Variants in CNTNAP4 observed in about 807,000 individuals in gnomAD.
CNTNAP4 encodes the protein contactin associated protein family member 4.
A neutral mutation model predicts 148.4 loss-of-function variants in CNTNAP4; 98 were observed. That is an observed-to-expected ratio of 0.66 (90% CI 0.56 to 0.78). The LOEUF is 0.78. Among genes scored for constraint, CNTNAP4 ranks in the 30% least tolerant of loss-of-function variants. The pLI is 0.00. For synonymous variants in CNTNAP4, 730 were observed against 565.1 expected (o/e 1.29, Z -4.14); for missense variants, 1,935 against 1,565.6 (o/e 1.24, Z -3.98).
intron 15 of CNTNAP4, among the ~76,000 whole-genome samples, chr16:76,501,094 T>A (rs1022766902): frequency 2.0e-5 from 3 of 152,204 alleles, no homozygotes; most frequent in African/African-American, 7.2e-5. Context: ...ATATACATTG[T>A]AAATACTGTT....
intron 15 of CNTNAP4, among the ~76,000 whole-genome samples, chr16:76,519,203 C>G (rs893872333): frequency 6.6e-6 from 1 of 152,004 alleles, no homozygotes; most frequent in Non-Finnish European, 1.5e-5. Flanking sequence ...CTTTTGTGAA[C>G]GTATAAAATA....
At chr16:76,555,767 CACTT>C (rs971743432) in intron 23 of CNTNAP4, among the ~76,000 whole-genome samples, 4 of 152,194 alleles carry the variant, frequency 2.6e-5, no homozygotes, top group African/African-American at 9.6e-5. Context: ...GTGAAATTCT[CACTT>C]AGCTCAAATT....
At chr16:76,348,977 A>G (rs1281519112) in intron 2 of CNTNAP4, among the ~76,000 whole-genome samples, 1 of 152,138 alleles carries the variant, frequency 6.6e-6, no homozygotes, top group Non-Finnish European at 1.5e-5. Context: ...ATATAAAAAT[A>G]ATGAAGCAGG....
intron 12 of CNTNAP4, among the ~76,000 whole-genome samples, chr16:76,481,759 C>T (rs1425343935): frequency 1.3e-5 from 2 of 152,130 alleles, no homozygotes; most frequent in Middle Eastern, 3.2e-3. Context: ...AATTGAAGAA[C>T]ATATCTTTCG....
At chr16:76,326,494 C>T (rs944071228) in intron 2 of CNTNAP4, among the ~76,000 whole-genome samples, 2 of 152,132 alleles carry the variant, frequency 1.3e-5, no homozygotes, top group African/African-American at 4.8e-5. Flanking sequence ...AAGACACATG[C>T]ACATGTATGT....
rs2144468304 is a variant in CNTNAP4, at chr16:76,559,457, T to G, written c.*774T>G. Among the ~76,000 whole-genome samples, 1 of 152,306 alleles carries G rather than the reference T, an allele frequency of 6.6e-6. No individual in the cohort carries two copies. Among genetic ancestry groups the G allele is most frequent in the South Asian group, 2.1e-4 (1 of 4,826 alleles). On this transcript the variant is annotated 3_prime_UTR_variant, in exon 24 of 24. Coordinates refer to ENST00000611870, the MANE Select transcript of CNTNAP4 (RefSeq NM_033401.5). ...TACCATTGTTTGATGGTGACAGTAC[T>G]TAAGACCCTGAGTAATGCCAGTTTC...
In CNTNAP4 at chr16:76,498,065, A is replaced by G. The variant is rs577026917; in HGVS notation, c.2238-502A>G. ...ACATATGCTATATTTTATATTCTCT[A>G]TTACATATTTTCTACAAGAGACATT... is the stretch of plus-strand genomic sequence containing the variant. On this transcript the variant is annotated intron_variant, in intron 14 of 23. Coordinates refer to ENST00000611870, the MANE Select transcript of CNTNAP4 (RefSeq NM_033401.5). Among the ~76,000 whole-genome samples the G allele has an allele frequency of 2.0e-5, 3 of 152,270 alleles. No individual in the cohort carries two copies. The East Asian group carries it at 5.8e-4, about 29-fold the overall frequency.
At chr16:76,491,462 T>C (rs1462113070) in intron 13 of CNTNAP4, among the ~76,000 whole-genome samples, 1 of 152,190 alleles carries the variant, frequency 6.6e-6, no homozygotes, top group Admixed American at 6.5e-5. Flanking sequence ...AGGGTTGCAG[T>C]GATGATTGGG....
intron 14 of CNTNAP4, among the ~76,000 whole-genome samples, chr16:76,498,025 T>G (rs1455854388): frequency 6.6e-6 from 1 of 152,198 alleles, no homozygotes; most frequent in Non-Finnish European, 1.5e-5. Context: ...AATCTCCAAC[T>G]GTGTTCTATT....
At chr16:76,469,364 C>T (rs2063529810) in intron 10 of CNTNAP4, 2 of 152,166 alleles carry the variant, frequency 1.3e-5, no homozygotes, top group Admixed American at 1.3e-4. Flanking sequence ...AGCTCTGGAA[C>T]CTAAAACCTG....
chr16:76,309,935 C>T (rs191727947), intron 1 of CNTNAP4: 49 of 701,086 alleles, frequency 7.0e-5, no homozygotes, highest in Non-Finnish European at 1.6e-5. Flanking sequence ...CTTTTTCTTC[C>T]CCGTCTCGGG....
chr16:76,356,978 A>G (rs2144512195), intron 3 of CNTNAP4, among the ~76,000 whole-genome samples: 1 of 152,154 alleles, frequency 6.6e-6, no homozygotes, highest in East Asian at 1.9e-4. Flanking sequence ...GCCTATAAGC[A>G]GTTTTAAGAA....
rs1404186452 is a variant in CNTNAP4 at position 76,316,886 on chromosome 16, C to T, written c.196+363C>T. On this transcript the variant is annotated intron_variant, in intron 2 of 23. Transcript: ENST00000611870. ...ACGCTAATTATTTAAAAATAACAATCCCTCAGTGTTTTGGATTCTCAATGT... is the reference window on the plus strand; with the variant it reads ...ACGCTAATTATTTAAAAATAACAATTCCTCAGTGTTTTGGATTCTCAATGT... Among the ~76,000 whole-genome samples the T allele has an allele frequency of 6.3e-4, 96 of 152,124 alleles. 2 individuals are homozygous for T. The highest frequency in any genetic ancestry group is 1.2e-4 in the Non-Finnish European group (8 of 68,028).
intron 2 of CNTNAP4, among the ~76,000 whole-genome samples, chr16:76,329,029 A>G (rs1389028765): frequency 2.6e-5 from 4 of 152,340 alleles, no homozygotes; most frequent in East Asian, 3.9e-4. Context: ...CTCTAAAAGT[A>G]TTTTAAAATA....
At chr16:76,512,027 T>C (rs12444409) in intron 15 of CNTNAP4, among the ~76,000 whole-genome samples, 88,330 of 151,818 alleles carry the variant, frequency 0.58, 26,859 homozygotes, top group Middle Eastern at 0.74. Flanking sequence ...GCAAGGCACA[T>C]GTCTACCTTT....
At chr16:76,423,680 A>G (rs752381492) in intron 3 of CNTNAP4, among the ~76,000 whole-genome samples, 3 of 152,158 alleles carry the variant, frequency 2.0e-5, no homozygotes, top group Non-Finnish European at 4.4e-5. Context: ...TCATTCACAA[A>G]CATTCTGAAA....
chr16:76,406,506 G>A lies in CNTNAP4; in HGVS notation c.391-20946G>A, dbSNP rs547315195. Among the ~76,000 whole-genome samples, 5 of 152,128 alleles carry A rather than the reference G, an allele frequency of 3.3e-5. No individual in the cohort carries two copies. In the South Asian group the frequency reaches 8.3e-4, roughly 25 times the overall value. Reference sequence around the variant, plus strand: ...CAAAAACTAGAAATGACTGCACTTAGGAAGACATTGTCCACCAAGATAAGC... The same window carrying A: ...CAAAAACTAGAAATGACTGCACTTAAGAAGACATTGTCCACCAAGATAAGC... On this transcript the variant is annotated intron_variant, in intron 3 of 23. Coordinates refer to ENST00000611870, the MANE Select transcript of CNTNAP4 (RefSeq NM_033401.5).
At chr16:76,456,784 G>C (rs8060286) in intron 8 of CNTNAP4, among the ~76,000 whole-genome samples, 73,643 of 151,918 alleles carry the variant, frequency 0.48, 17,959 homozygotes, top group African/African-American at 0.54. Context: ...AAGTAAGGCA[G>C]ACACCTGTCT....
In CNTNAP4 at chr16:76,503,658, C is replaced by T. The variant is rs557493213; in HGVS notation, c.2365+4964C>T. On this transcript the variant is annotated intron_variant, in intron 15 of 23. Transcript: ENST00000611870. Reference sequence around the variant, plus strand: ...CTCGTCATTTACATTAGGTATATCTCCTAATGCTATCCCTCCCCCTTCCCC... The same window carrying T: ...CTCGTCATTTACATTAGGTATATCTTCTAATGCTATCCCTCCCCCTTCCCC... Among the ~76,000 whole-genome samples, 89 of 152,114 alleles carry T rather than the reference C, an allele frequency of 5.9e-4. 1 individual carries two copies. Among genetic ancestry groups the T allele is most frequent in the South Asian group, 2.9e-3 (14 of 4,818 alleles).
Sources: gnomAD v4.1 joint callset for allele counts (sites outside exome capture counted in the v4.1 genomes callset) on GRCh38, gnomAD v4.1.1 for gene constraint, MANE v1.5 for transcripts, NCBI Gene and HGNC (gene_info 2026-07-23, HGNC 2026-07-21) for gene names.